Variants in PODXL2 observed in about 807,000 individuals in gnomAD.
The protein encoded by PODXL2 is podocalyxin like 2, also known as podocalyxin-like protein 2.
A neutral mutation model predicts 53.4 loss-of-function variants in PODXL2; 17 were observed. The observed-to-expected ratio is 0.32, with a 90% CI of 0.22 to 0.48. The LOEUF is 0.48. PODXL2 is among the 20% of genes least tolerant of loss of function. PODXL2 has a pLI of 0.99. For missense variants in PODXL2, 673 were observed against 760.0 expected (o/e 0.89, Z 1.35); for synonymous variants, 311 against 306.7 (o/e 1.01, Z -0.15).
intron 4 of PODXL2, among the ~76,000 whole-genome samples, chr3:127,664,532 T>G (rs1423113608): frequency 6.6e-6 from 1 of 152,180 alleles, no homozygotes; most frequent in African/African-American, 2.4e-5. Context: ...GTGGGGTTGC[T>G]GGATCATATG....
chr3:127,665,895 G>A (rs1224788584), intron 4 of PODXL2: 1 of 454,248 alleles, frequency 2.2e-6, no homozygotes, highest in Non-Finnish European at 4.4e-6. Context: ...TTTCTGCAAG[G>A]AGTCCTGCTT....
chr3:127,633,472 TTG>T (rs60042269), intron 1 of PODXL2, among the ~76,000 whole-genome samples: 92,179 of 140,524 alleles, frequency 0.66, 30,562 homozygotes, highest in East Asian at 0.73. Flanking sequence ...ATTACAAATT[TTG>T]TGTGTGTGTG....
chr3:127,665,341 C>T (rs1351058531), intron 4 of PODXL2, among the ~76,000 whole-genome samples: 1 of 152,148 alleles, frequency 6.6e-6, no homozygotes, highest in Non-Finnish European at 1.5e-5. Flanking sequence ...CAGAAAAAGA[C>T]AGGGAGAAAA....
intron 3 of PODXL2, 92 bp from the exon 4 acceptor site, chr3:127,662,145 A>G: frequency 9.2e-7 from 1 of 1,082,026 alleles, no homozygotes. Context: ...TCCACCTTCC[A>G]GCTTCCCAAA....
intron 4 of PODXL2, among the ~76,000 whole-genome samples, chr3:127,665,522 G>A (rs534748515): frequency 6.6e-6 from 1 of 152,238 alleles, no homozygotes; most frequent in South Asian, 2.1e-4. Context: ...AAACATGAGA[G>A]GAGGAAGAAA....
At chr3:127,633,422 C>T (rs994761546) in intron 1 of PODXL2, among the ~76,000 whole-genome samples, 3 of 151,912 alleles carry the variant, frequency 2.0e-5, no homozygotes, top group African/African-American at 7.3e-5. Context: ...CTTAATCCCA[C>T]TAGGCCTCAG....
intron 2 of PODXL2, among the ~76,000 whole-genome samples, chr3:127,657,180 T>G (rs1327009607): frequency 6.6e-6 from 1 of 152,214 alleles, no homozygotes; most frequent in Non-Finnish European, 1.5e-5. Context: ...GTACACAGTT[T>G]AGGGAGTTCT....
At chr3:127,643,660 A>G (rs1446391487) in intron 2 of PODXL2, among the ~76,000 whole-genome samples, 2 of 149,600 alleles carry the variant, frequency 1.3e-5, no homozygotes, top group Non-Finnish European at 3.0e-5. Flanking sequence ...TTTTTTGGAC[A>G]CAGGGTCTCG....
intron 2 of PODXL2, among the ~76,000 whole-genome samples, chr3:127,639,912 A>C (rs1399663298): frequency 6.6e-6 from 1 of 152,224 alleles, no homozygotes; most frequent in Non-Finnish European, 1.5e-5. Context: ...TGGCTTTCCA[A>C]GCCCTGGGGC....
In PODXL2 at chr3:127,672,490, A is replaced by G. The variant is rs936941185; in HGVS notation, c.*10A>G. ...GGACACGCACCTGTGAGCGCAGCCG[A>G]GGCGCAGGCCGAGTGGGCCGCCAGG... On this transcript the variant is annotated 3_prime_UTR_variant, in exon 8 of 8. Coordinates refer to ENST00000342480, the MANE Select transcript of PODXL2 (RefSeq NM_015720.4). 1 of 1,471,014 alleles carries G rather than the reference A, an allele frequency of 6.8e-7. No individual in the cohort carries two copies. Among genetic ancestry groups the G allele is most frequent in the Non-Finnish European group, 9.0e-7 (1 of 1,109,956 alleles). The allele number at this position is 1,471,014 out of a possible 1,614,324, so 91.1% of individuals were successfully genotyped here. A position where few individuals can be genotyped will look rare whatever the true frequency, so the allele number is the denominator to read the frequency against.
chr3:127,670,605 G>A (rs1250999860), intron 6 of PODXL2, among the ~76,000 whole-genome samples: 1 of 152,190 alleles, frequency 6.6e-6, no homozygotes, highest in Non-Finnish European at 1.5e-5. Context: ...GAAAAGTACT[G>A]GAGATACACG....
intron 2 of PODXL2, among the ~76,000 whole-genome samples, chr3:127,656,592 G>A (rs537541662): frequency 1.4e-4 from 21 of 151,944 alleles, no homozygotes; most frequent in South Asian, 6.3e-4. Context: ...AACATTAGCC[G>A]GGCGTGGTGG....
intron 2 of PODXL2, among the ~76,000 whole-genome samples, chr3:127,655,936 A>T (rs2107540853): frequency 6.6e-6 from 1 of 152,370 alleles, no homozygotes; most frequent in South Asian, 2.1e-4. Flanking sequence ...GCAGGAGAGG[A>T]ACTCATAGAG....
intron 1 of PODXL2, 44 bp from the exon 2 acceptor site, chr3:127,639,201 C>A (rs775542482): frequency 1.3e-6 from 2 of 1,528,670 alleles, no homozygotes; most frequent in South Asian, 1.3e-5. Flanking sequence ...AGTCTTGTGT[C>A]TTCTCTAGCC....
chr3:127,662,898 C>T lies in PODXL2; in HGVS notation c.1206+587C>T, dbSNP rs1468907026. On this transcript the variant is annotated intron_variant, in intron 4 of 7. Coordinates refer to ENST00000342480, the MANE Select transcript of PODXL2 (RefSeq NM_015720.4). ...AACTTCTGTTCTGTTCGAAGTATAA[C>T]AAGTTGGTTGTCAGTGTTCTGGGAG... 2.6e-5 allele frequency among the ~76,000 whole-genome samples: 4 copies of T among 152,190 alleles called. No homozygotes were observed. In the East Asian group the frequency reaches 7.7e-4, roughly 29 times the overall value.
intron 2 of PODXL2, among the ~76,000 whole-genome samples, chr3:127,642,291 G>GGAAAAAAAAAA (rs1271994297): frequency 1.3e-3 from 100 of 77,224 alleles, no homozygotes; most frequent in African/African-American, 4.3e-3. Flanking sequence ...CTCCATCTCA[G>GGAAAAAAAAAA]AAAAAAAAAA....
At chr3:127,651,920 A>T (rs1471400103) in intron 2 of PODXL2, among the ~76,000 whole-genome samples, 1 of 152,222 alleles carries the variant, frequency 6.6e-6, no homozygotes, top group African/African-American at 2.4e-5. Context: ...CAGAACCCTG[A>T]AGCTTGGCCT....
intron 2 of PODXL2, among the ~76,000 whole-genome samples, chr3:127,654,865 T>C (rs2074712084): frequency 6.6e-6 from 1 of 152,162 alleles, no homozygotes; most frequent in Non-Finnish European, 1.5e-5. Flanking sequence ...GGTGGGCGAA[T>C]CCACCTGAAG....
intron 2 of PODXL2, among the ~76,000 whole-genome samples, chr3:127,639,959 T>C (rs1255189949): frequency 6.6e-6 from 1 of 152,218 alleles, no homozygotes; most frequent in Non-Finnish European, 1.5e-5. Context: ...CTATGCTGTC[T>C]CTGTTGAAGA....
Sources: gnomAD v4.1 joint callset for allele counts (sites outside exome capture counted in the v4.1 genomes callset) on GRCh38, gnomAD v4.1.1 for gene constraint, MANE v1.5 for transcripts, NCBI Gene and HGNC (gene_info 2026-07-23, HGNC 2026-07-21) for gene names.